The following MYO16 variants were observed in gnomAD, a reference collection of about 807,000 sequenced individuals.
MYO16 encodes the protein myosin XVI.
In MYO16, 94 loss-of-function variants were observed where a neutral mutation model predicts 205.3. The observed-to-expected ratio is 0.46, with a 90% confidence interval of 0.39 to 0.54. The LOEUF (loss-of-function observed/expected upper bound fraction) is 0.54, where lower values mean the gene tolerates loss of function less well. MYO16 is among the 20% of genes least tolerant of loss of function. The pLI is 0.00. For synonymous variants in MYO16, 988 were observed against 954.0 expected, an observed-to-expected ratio of 1.04 and a Z score of -0.66; for missense variants, 2,315 against 2,387.5, an observed-to-expected ratio of 0.97 and a Z score of 0.63.
intron 24 of MYO16, among the ~76,000 whole-genome samples, chr13:109,051,870 C>T (rs572675078): frequency 1.1e-4 from 16 of 152,162 alleles, no homozygotes; most frequent in South Asian, 2.1e-4. Flanking sequence ...TACTTACAGA[C>T]GGCTCTGAGA....
chr13:108,500,351 T>C, the MYO16 span, among the ~76,000 whole-genome samples: 9 of 150,620 alleles, frequency 6.0e-5, no homozygotes, highest in Non-Finnish European at 1.3e-4. Context: ...TGCCTCAGCC[T>C]CCCGAGTAGC....
chr13:108,605,824 G>A (rs937673324), intron 1 of MYO16, among the ~76,000 whole-genome samples: 2 of 152,190 alleles, frequency 1.3e-5, no homozygotes, highest in Non-Finnish European at 2.9e-5. Context: ...AAGTGACTTT[G>A]GAACTGGGTA....
chr13:109,019,920 C>G lies in MYO16; in HGVS notation c.2796+9C>G. ...TGCACTACGCAGGAAGGGTAAGTGG[C>G]CAGAACTGCATAATTTTTCATGTGC... On this transcript the variant is annotated intron_variant, in intron 23 of 34. Coordinates refer to ENST00000457511, the MANE Select transcript of MYO16 (RefSeq NM_001198950.3). 1 of 1,612,780 alleles carries G rather than the reference C, an allele frequency of 6.2e-7. No homozygotes were observed. Among genetic ancestry groups the G allele is most frequent in the Non-Finnish European group, 8.5e-7 (1 of 1,179,360 alleles).
At chr13:108,508,428 T>C in the MYO16 span, among the ~76,000 whole-genome samples, 2 of 152,200 alleles carry the variant, frequency 1.3e-5, no homozygotes, top group African/African-American at 4.8e-5. Flanking sequence ...TTTCTTTTCT[T>C]GGAGTTTGTA....
chr13:108,997,316 GAAA>G (rs1885040382), intron 21 of MYO16, among the ~76,000 whole-genome samples: 1 of 5,240 alleles, frequency 1.9e-4, no homozygotes, highest in Non-Finnish European at 3.1e-4. Context: ...AAGAAAGAAA[GAAA>G]GAAAGAAAGA....
chr13:108,834,241 AC>A (rs1354803228), intron 9 of MYO16, among the ~76,000 whole-genome samples: 1 of 151,996 alleles, frequency 6.6e-6, no homozygotes, highest in Non-Finnish European at 1.5e-5. Context: ...TTTAGGAGGG[AC>A]TTTCATCAAG....
intron 2 of MYO16, among the ~76,000 whole-genome samples, chr13:108,687,753 G>A (rs1203587512): frequency 2.0e-5 from 3 of 152,238 alleles, no homozygotes; most frequent in Non-Finnish European, 4.4e-5. Context: ...TGGGAACAGT[G>A]TAATATTAGT....
At chr13:108,803,818 G>A (rs766186115) in intron 6 of MYO16, among the ~76,000 whole-genome samples, 6 of 152,116 alleles carry the variant, frequency 3.9e-5, no homozygotes, top group Non-Finnish European at 5.9e-5. Context: ...GCCATGGGAA[G>A]GCCAAAGCAA....
intron 1 of MYO16, among the ~76,000 whole-genome samples, chr13:108,610,678 C>A (rs1879140510): frequency 1.3e-5 from 2 of 152,186 alleles, no homozygotes; most frequent in Non-Finnish European, 2.9e-5. Context: ...CTTATATTTG[C>A]TTTATTCTTG....
At chr13:108,876,159 A>G (rs1202854313) in intron 12 of MYO16, among the ~76,000 whole-genome samples, 1 of 152,206 alleles carries the variant, frequency 6.6e-6, no homozygotes, top group Non-Finnish European at 1.5e-5. Flanking sequence ...GTATATCACT[A>G]TCATTTAATT....
At chr13:108,781,795 T>G (rs1333571074) in intron 4 of MYO16, among the ~76,000 whole-genome samples, 3 of 152,140 alleles carry the variant, frequency 2.0e-5, no homozygotes, top group Non-Finnish European at 4.4e-5. Context: ...GCTGGTCTCA[T>G]GATAGTGAAG....
At chr13:109,135,045 C>G (rs961522051) in intron 31 of MYO16, among the ~76,000 whole-genome samples, 1 of 152,158 alleles carries the variant, frequency 6.6e-6, no homozygotes, top group Non-Finnish European at 1.5e-5. Flanking sequence ...GCCTCCGGTA[C>G]GATTCCTGAG....
At chr13:108,897,886 A>T in intron 14 of MYO16, 130 bp from the exon 15 acceptor site, 3 of 740,124 alleles carry the variant, frequency 4.1e-6, no homozygotes, top group Non-Finnish European at 6.7e-6. Context: ...TAAAAATTCA[A>T]TATAGCATTC....
chr13:109,205,273 G>A (rs1186869638), intron 34 of MYO16, among the ~76,000 whole-genome samples: 2 of 152,126 alleles, frequency 1.3e-5, no homozygotes, highest in African/African-American at 4.8e-5. Flanking sequence ...CCTTCATGCT[G>A]TAAACATCAT....
At chr13:108,636,355 T>G (rs1322991342) in intron 1 of MYO16, among the ~76,000 whole-genome samples, 411 of 34,974 alleles carry the variant, frequency 0.012, 4 homozygotes, top group African/African-American at 0.04. Flanking sequence ...CCTTTTTTTT[T>G]TTTTTTTTTT....
the MYO16 span, among the ~76,000 whole-genome samples, chr13:108,536,099 C>G: frequency 2.7e-3 from 405 of 152,014 alleles, 3 homozygotes; most frequent in African/African-American, 9.0e-3. Context: ...TTGCTAGATG[C>G]GGTAATTTTT....
At chr13:109,022,332 T>TGTATATATGTATGTA (rs1886072622) in intron 23 of MYO16, among the ~76,000 whole-genome samples, 1 of 75,968 alleles carries the variant, frequency 1.3e-5, no homozygotes, top group African/African-American at 4.2e-5. Context: ...CAAATATATA[T>TGTATATATGTATGTA]TTATATATTA....
intron 4 of MYO16, among the ~76,000 whole-genome samples, chr13:108,775,402 T>A (rs1307790493): frequency 3.3e-5 from 5 of 152,246 alleles, no homozygotes; most frequent in East Asian, 1.9e-4. Context: ...ATAGATTTTT[T>A]AATTCTCATT....
chr13:109,196,376 T>C (rs1347711734), intron 34 of MYO16, among the ~76,000 whole-genome samples: 1 of 152,218 alleles, frequency 6.6e-6, no homozygotes, highest in Non-Finnish European at 1.5e-5. Context: ...AGGAATCTTC[T>C]TGTTGAAAAC....
Sources: allele counts gnomAD v4.1 joint callset (sites outside exome capture counted in the v4.1 genomes callset), GRCh38; gene constraint gnomAD v4.1.1; transcripts MANE v1.5; gene names NCBI Gene and HGNC (gene_info 2026-07-23, HGNC 2026-07-21).